ZRANB3: variants seen among roughly 807,000 people sequenced by gnomAD.
ZRANB3 encodes DNA annealing helicase and endonuclease ZRANB3.
Under a neutral mutation model 133.8 loss-of-function variants are expected in ZRANB3, and 125 were observed. The observed-to-expected ratio is 0.93, with a 90% CI of 0.81 to 1.08. ZRANB3 has a LOEUF of 1.08. ZRANB3 is among the 50% of genes least tolerant of loss of function. The pLI, the probability that ZRANB3 is intolerant of heterozygous loss-of-function variation, is 0.00. For missense variants in ZRANB3, 1,229 were observed against 1,275.5 expected (o/e 0.96, Z 0.56); for synonymous variants, 387 against 432.7 (o/e 0.89, Z 1.31).
intron 2 of ZRANB3, among the ~76,000 whole-genome samples, chr2:135,493,098 AATATATAT>A (rs66481237): frequency 1.7e-5 from 1 of 57,540 alleles, no homozygotes; most frequent in Admixed American, 1.9e-4. Flanking sequence ...GATGATACCA[AATATATAT>A]ATATATATAT....
chr2:135,436,366 G>A (rs1353908878), intron 2 of ZRANB3, among the ~76,000 whole-genome samples: 1 of 152,074 alleles, frequency 6.6e-6, no homozygotes, highest in East Asian at 1.9e-4. Flanking sequence ...TTTGGTTCGT[G>A]TAGCCTTGCA....
intron 11 of ZRANB3, 117 bp from the exon 12 acceptor site, chr2:135,265,803 C>T: frequency 9.3e-7 from 1 of 1,080,504 alleles, no homozygotes. Context: ...TCTTACTGTT[C>T]CAACATATCA....
intron 1 of ZRANB3, among the ~76,000 whole-genome samples, chr2:135,508,444 A>G (rs1221926546): frequency 6.6e-6 from 1 of 152,206 alleles, no homozygotes; most frequent in African/African-American, 2.4e-5. Flanking sequence ...GCCAAGGCAC[A>G]ATATTTGTAA....
chr2:135,299,855 A>G (rs904350060), intron 8 of ZRANB3, among the ~76,000 whole-genome samples: 3 of 152,240 alleles, frequency 2.0e-5, no homozygotes, highest in African/African-American at 7.2e-5. Context: ...ATTTGCTGAC[A>G]TGACCTAATT....
At chr2:135,511,114 C>T (rs1693434184) in intron 1 of ZRANB3, 1 of 769,046 alleles carries the variant, frequency 1.3e-6, no homozygotes, top group Non-Finnish European at 2.4e-6. Context: ...GAAGCTAGTA[C>T]TTTACCAACA....
At chr2:135,208,682 G>A (rs1693979516) in intron 18 of ZRANB3, among the ~76,000 whole-genome samples, 186 bp downstream of exon 18, 1 of 152,208 alleles carries the variant, frequency 6.6e-6, no homozygotes, top group South Asian at 2.1e-4. Flanking sequence ...CATCTCTAAT[G>A]TTTAAAATGA....
intron 17 of ZRANB3, among the ~76,000 whole-genome samples, chr2:135,209,763 T>A (rs1372577189): frequency 6.6e-6 from 1 of 152,208 alleles, no homozygotes; most frequent in African/African-American, 2.4e-5. Flanking sequence ...GGAAATTAGT[T>A]TAAACATGAA....
chr2:135,495,944 G>A (rs56359605), intron 2 of ZRANB3, among the ~76,000 whole-genome samples: 15,874 of 152,166 alleles, frequency 0.1, 1,098 homozygotes, highest in South Asian at 0.32. Flanking sequence ...GAAAATTAAT[G>A]ATCAAAATTC....
At position 135,217,465 on chromosome 2, in the gene ZRANB3, C is replaced by A. The variant is rs1361406757; in HGVS notation, c.2495G>T (p.Arg832Ile). Residue 832 changes from arginine (R) to isoleucine (I), a missense_variant and splice_region_variant, in exon 17 of 21, where the codon AGA (arginine) becomes ATA (isoleucine). By Grantham distance (97) the Arg-to-Ile change is moderately conservative. Coordinates refer to ENST00000264159, the MANE Select transcript of ZRANB3 (RefSeq NM_032143.4). ...AAATTTAAAAAAAGACAACTCATAC[C>A]TTTTGGTGCAATTTTGTTTGGTTTG... ...KQQTKQNCTK[R>I]YITKEDVAVA... is the part of the protein sequence containing the mutation. 6.2e-7 allele frequency: 1 copy of A among 1,603,594 alleles called. No individual in the cohort carries two copies. The highest frequency in any genetic ancestry group is 2.2e-5 in the East Asian group (1 of 44,690).
intron 12 of ZRANB3, among the ~76,000 whole-genome samples, chr2:135,244,845 G>T (rs1231085207): frequency 6.6e-6 from 1 of 152,164 alleles, no homozygotes; most frequent in Non-Finnish European, 1.5e-5. Flanking sequence ...GAGAGGTAAG[G>T]TTAGCAGTGA....
chr2:135,468,602 A>G (rs1353384714), intron 2 of ZRANB3, among the ~76,000 whole-genome samples: 1 of 152,220 alleles, frequency 6.6e-6, no homozygotes, highest in African/African-American at 2.4e-5. Flanking sequence ...ATAGCCACTC[A>G]GTGGACATTT....
chr2:135,308,598 T>G (rs1265319335), intron 8 of ZRANB3, among the ~76,000 whole-genome samples: 4 of 152,166 alleles, frequency 2.6e-5, no homozygotes, highest in Non-Finnish European at 1.5e-5. Context: ...TGAAAAAAAT[T>G]TGTTCTTTTT....
intron 11 of ZRANB3, among the ~76,000 whole-genome samples, chr2:135,266,680 G>A (rs975161022): frequency 1.3e-5 from 2 of 151,308 alleles, no homozygotes; most frequent in East Asian, 3.9e-4. Context: ...CAGGAGAATC[G>A]CTTGAACCCA....
chr2:135,228,237 T>C (rs1054288108), intron 13 of ZRANB3: 3 of 370,518 alleles, frequency 8.1e-6, no homozygotes, highest in Admixed American at 4.3e-5. Context: ...CCATTCTAAA[T>C]GGCAGAGAAA....
At chr2:135,368,153 A>G (rs2104895604) in intron 3 of ZRANB3, among the ~76,000 whole-genome samples, 1 of 152,198 alleles carries the variant, frequency 6.6e-6, no homozygotes, top group East Asian at 1.9e-4. Context: ...AATATTATTC[A>G]TGTCAAAATT....
chr2:135,475,915 T>TA (rs1691479702), intron 2 of ZRANB3, among the ~76,000 whole-genome samples: 1 of 151,960 alleles, frequency 6.6e-6, no homozygotes, highest in Non-Finnish European at 1.5e-5. Flanking sequence ...CAGTCTCTAC[T>TA]AAAAATACCA....
chr2:135,325,926 T>A (rs1683792181), intron 6 of ZRANB3, among the ~76,000 whole-genome samples: 1 of 152,096 alleles, frequency 6.6e-6, no homozygotes, highest in South Asian at 2.1e-4. Context: ...AAGGAACATG[T>A]TAAACAACAC....
intron 2 of ZRANB3, among the ~76,000 whole-genome samples, chr2:135,481,391 T>G (rs1285496858): frequency 1.3e-5 from 2 of 152,138 alleles, no homozygotes; most frequent in Non-Finnish European, 1.5e-5. Flanking sequence ...TTTCATGTGT[T>G]TTTTGGCTAC....
intron 2 of ZRANB3, among the ~76,000 whole-genome samples, chr2:135,432,147 G>C (rs183915130): frequency 1.0e-3 from 157 of 152,286 alleles, no homozygotes; most frequent in Middle Eastern, 3.4e-3. Context: ...CTACTCGGGA[G>C]TCTGAGGCAG....
Sources: allele counts gnomAD v4.1 joint callset (sites outside exome capture counted in the v4.1 genomes callset), GRCh38; gene constraint gnomAD v4.1.1; transcripts MANE v1.5; gene names NCBI Gene and HGNC (gene_info 2026-07-23, HGNC 2026-07-21).